CAND1: variants seen among roughly 807,000 people sequenced by gnomAD.
The protein encoded by CAND1 is cullin-associated NEDD8-dissociated protein 1.
Under a neutral mutation model 108.5 loss-of-function variants are expected in CAND1, and 7 were observed. The observed-to-expected ratio is 0.06, with a 90% CI of 0.04 to 0.12. The LOEUF is 0.12. Ranked by LOEUF, CAND1 falls within the 10% of genes least tolerant of loss-of-function variation. The pLI is 1.00. For synonymous variants in CAND1, 534 were observed against 512.0 expected (o/e 1.04, Z -0.58); for missense variants, 941 against 1,448.7 (o/e 0.65, Z 5.69).
At chr12:67,307,519 T>G in intron 11 of CAND1, 27 bp downstream of exon 11, 1 of 1,468,122 alleles carries the variant, frequency 6.8e-7, no homozygotes, top group Non-Finnish European at 9.5e-7. Flanking sequence ...ATAAACATAC[T>G]GATTTTTGGA....
intron 1 of CAND1, chr12:67,270,815 C>G (rs535748520): frequency 1.1e-4 from 17 of 149,906 alleles, no homozygotes; most frequent in Admixed American, 8.0e-4. Flanking sequence ...TTCCTTATAC[C>G]TGTTTTGTTC....
chr12:67,283,642 TTC>T (rs1251076050), intron 2 of CAND1, among the ~76,000 whole-genome samples: 2 of 151,884 alleles, frequency 1.3e-5, no homozygotes, highest in African/African-American at 4.8e-5. Flanking sequence ...TTTAGTTTAA[TTC>T]TTTATCTTTT....
Position 67,302,534 on chromosome 12 carries a change from A to G in CAND1, c.1212A>G (p.Gln404=), listed in dbSNP as rs376114568. The change falls in exon 8 of 15, where the codon CAA becomes CAG. Residue 404 remains glutamine (Q), a synonymous_variant. Coordinates refer to ENST00000545606, the MANE Select transcript of CAND1 (RefSeq NM_018448.5). ...VFHAYLSLLK[Q]TRPVQSWLCD... is the part of the protein sequence containing the mutation. ...ACGCATACCTTTCTCTTTTGAAGCA[A>G]ACTCGTCCTGTACAAAGTTGGCTAT... The G allele has an allele frequency of 1.9e-5, 31 of 1,614,168 alleles. No homozygotes were observed. The highest frequency in any genetic ancestry group is 2.5e-5 in the Non-Finnish European group (30 of 1,179,988).
At chr12:67,304,865 A>G in intron 9 of CAND1, 119 bp downstream of exon 9, 1 of 1,204,678 alleles carries the variant, frequency 8.3e-7, no homozygotes, top group South Asian at 1.5e-5. Flanking sequence ...ATATGCACAT[A>G]GAGCTAACTT....
In CAND1 at chr12:67,316,453, G is replaced by A. The variant is rs1182052296; in HGVS notation, c.*3623G>A. 1 of 152,176 alleles carries A rather than the reference G, an allele frequency of 6.6e-6. No individual in the cohort carries two copies. The highest frequency in any genetic ancestry group is 1.9e-4 in the East Asian group (1 of 5,206). The allele number at this position is 152,176 out of a possible 1,614,324, so 9.4% of individuals were successfully genotyped here. A position where few individuals can be genotyped will look rare whatever the true frequency, so the allele number is the denominator to read the frequency against. Reference sequence around the variant, plus strand: ...CAGAAAAGATTTTGTAAACACCTTTGCTGTAGTTTCAGGCAAGATCTTTCA... The same window carrying A: ...CAGAAAAGATTTTGTAAACACCTTTACTGTAGTTTCAGGCAAGATCTTTCA... On this transcript the variant is annotated 3_prime_UTR_variant, in exon 15 of 15. Transcript: ENST00000545606.
intron 1 of CAND1, among the ~76,000 whole-genome samples, chr12:67,277,335 C>T (rs960273905): frequency 6.6e-6 from 1 of 152,062 alleles, no homozygotes. Context: ...TTTGTAACCT[C>T]GTTTTATGAG....
rs1450763155 is a variant in CAND1 at position 67,269,578 on chromosome 12, C to T, written c.-140C>T. 5 of 665,446 alleles carry T rather than the reference C, an allele frequency of 7.5e-6. No homozygotes were observed. Among genetic ancestry groups the T allele is most frequent in the Non-Finnish European group, 1.3e-5 (5 of 399,090 alleles). 41.2% of individuals were successfully genotyped at this position (665,446 alleles called of 1,614,324 possible). On this transcript the variant is annotated 5_prime_UTR_variant, in exon 1 of 15. Coordinates refer to ENST00000545606, the MANE Select transcript of CAND1 (RefSeq NM_018448.5). ...CAGCCCGTCGAGGCGCCTCCCTAGTCAGCGTCGGCGTCGCGCTGCGACCCT... is the reference window on the plus strand; with the variant it reads ...CAGCCCGTCGAGGCGCCTCCCTAGTTAGCGTCGGCGTCGCGCTGCGACCCT...
At chr12:67,309,801 A>G in intron 11 of CAND1, 100 bp from the exon 12 acceptor site, 1 of 814,430 alleles carries the variant, frequency 1.2e-6, no homozygotes. Flanking sequence ...AATAACAATG[A>G]CACCAGCAAA....
chr12:67,278,572 G>A lies in CAND1; in HGVS notation c.69-3338G>A, dbSNP rs142422243. On this transcript the variant is annotated intron_variant, in intron 1 of 14. Coordinates refer to ENST00000545606, the MANE Select transcript of CAND1 (RefSeq NM_018448.5). ...CTCACTCTGTCACCTAGGCTGTAGT[G>A]CAGTGGCTCAATCTCGGCTCACTGC... 8.5e-5 allele frequency among the ~76,000 whole-genome samples: 13 copies of A among 152,222 alleles called. No individual in the cohort carries two copies. The East Asian group carries it at 2.5e-3, about 29-fold the overall frequency.
At position 67,315,618 on chromosome 12, in the gene CAND1, T is replaced by C. The variant is rs566584037; in HGVS notation, c.*2788T>C. The C allele has an allele frequency of 6.6e-6, 1 of 152,372 alleles. No individual in the cohort carries two copies. The highest frequency in any genetic ancestry group is 1.9e-4 in the East Asian group (1 of 5,192). 9.4% of individuals were successfully genotyped at this position (152,372 alleles called of 1,614,324 possible). A position where few individuals can be genotyped will look rare whatever the true frequency, so the allele number is the denominator to read the frequency against. ...TTAACCATTAGGAATTACAATTCTT[T>C]ATGGTTGGAGTATGATGATTTCATC... is the stretch of plus-strand genomic sequence containing the variant. On this transcript the variant is annotated 3_prime_UTR_variant, in exon 15 of 15. Transcript: ENST00000545606.
intron 6 of CAND1, 87 bp downstream of exon 6, chr12:67,297,940 C>T (rs904444027): frequency 1.1e-5 from 7 of 648,362 alleles, no homozygotes; most frequent in African/African-American, 5.5e-5. Flanking sequence ...TGAGGAGAAG[C>T]GGCCTTTTGG....
Position 67,281,897 on chromosome 12 carries a change from AT to A in CAND1, c.69-6del, listed in dbSNP as rs767450894. 9.0e-6 allele frequency: 14 copies of A among 1,551,566 alleles called. No homozygotes were observed. The highest frequency in any genetic ancestry group is 4.6e-5 in the East Asian group (2 of 43,822). On this transcript the variant is annotated splice_polypyrimidine_tract_variant and intron_variant, in intron 1 of 14. Coordinates refer to ENST00000545606, the MANE Select transcript of CAND1 (RefSeq NM_018448.5). ...TAAAATTTTCAAATTAACAAATTTT[AT>A]TTTTTTGATAGGTTTATGGCTACAA...
At chr12:67,298,565 C>A (rs74100321) in intron 6 of CAND1, among the ~76,000 whole-genome samples, 7 of 152,078 alleles carry the variant, frequency 4.6e-5, no homozygotes, top group Admixed American at 1.3e-4. Context: ...CTCATTACAT[C>A]GGTAGAAGAC....
chr12:67,312,380 G>A lies in CAND1; in HGVS notation c.3469-226G>A, dbSNP rs1239844263. On this transcript the variant is annotated intron_variant, in intron 14 of 14. Transcript: ENST00000545606. ...TACTCTCTTTGTTACAATCATTTGG[G>A]TCTAGATTTTCTGTTTTTATAATGG... Among the ~76,000 whole-genome samples the A allele has an allele frequency of 9.2e-5, 14 of 152,032 alleles. 1 individual carries two copies. Among genetic ancestry groups the A allele is most frequent in the Admixed American group, 9.2e-4 (14 of 15,270 alleles).
At chr12:67,289,844 T>A (rs534138108) in intron 2 of CAND1, among the ~76,000 whole-genome samples, 16 of 152,336 alleles carry the variant, frequency 1.1e-4, no homozygotes, top group African/African-American at 3.8e-4. Flanking sequence ...ATTTTTATCT[T>A]TTCTTTTAAA....
rs2045043110 is a variant in CAND1 at position 67,319,851 on chromosome 12, GCCTT to G, written c.*7027_*7030del. Reference sequence around the variant, plus strand: ...TTGTCAGAATTTCCAAAATTCTTGGGCCTTCCTTCTTGCTCTATATATGGTTTTG... The same window carrying G: ...TTGTCAGAATTTCCAAAATTCTTGGGCCTTCTTGCTCTATATATGGTTTTG... On this transcript the variant is annotated 3_prime_UTR_variant, in exon 15 of 15. Coordinates refer to ENST00000545606, the MANE Select transcript of CAND1 (RefSeq NM_018448.5). The G allele has an allele frequency of 6.6e-6, 1 of 152,044 alleles. No individual in the cohort carries two copies. Among genetic ancestry groups the G allele is most frequent in the Non-Finnish European group, 1.5e-5 (1 of 68,006 alleles). The allele number at this position is 152,044 out of a possible 1,614,324, so 9.4% of individuals were successfully genotyped here. A position where few individuals can be genotyped will look rare whatever the true frequency, so the allele number is the denominator to read the frequency against.
chr12:67,272,968 T>G (rs1183980514), intron 1 of CAND1, among the ~76,000 whole-genome samples: 1 of 152,184 alleles, frequency 6.6e-6, no homozygotes, highest in East Asian at 1.9e-4. Flanking sequence ...GTGCTGGGAT[T>G]ACAGGCCAGC....
At chr12:67,289,509 C>T (rs2044702952) in intron 2 of CAND1, among the ~76,000 whole-genome samples, 1 of 152,204 alleles carries the variant, frequency 6.6e-6, no homozygotes, top group African/African-American at 2.4e-5. Context: ...ACCTCAGCCT[C>T]CTGAGTAGCT....
At chr12:67,292,579 G>T in intron 2 of CAND1, 43 bp from the exon 3 acceptor site, 2 of 1,470,556 alleles carry the variant, frequency 1.4e-6, no homozygotes, top group Admixed American at 2.2e-5. Flanking sequence ...CTGTTTTTGT[G>T]CTTATCTAGC....
Sources: gnomAD v4.1 joint callset for allele counts (sites outside exome capture counted in the v4.1 genomes callset) on GRCh38, gnomAD v4.1.1 for gene constraint, MANE v1.5 for transcripts, NCBI Gene and HGNC (gene_info 2026-07-23, HGNC 2026-07-21) for gene names.